The following PDZD11 variants were observed in gnomAD, a reference collection of about 807,000 sequenced individuals.
PDZD11 encodes the protein PDZ domain-containing protein 11.
A neutral mutation model predicts 13.7 loss-of-function variants in PDZD11; 2 were observed. The ratio of observed to expected loss-of-function variants is 0.15; its 90% CI spans 0.06 to 0.46. The LOEUF is 0.46. PDZD11 is among the 20% of genes least tolerant of loss of function. PDZD11 has a pLI of 0.98. For synonymous variants in PDZD11, 32 were observed against 37.5 expected, an observed-to-expected ratio of 0.85 and a Z score of 0.54; for missense variants, 44 against 111.7, an observed-to-expected ratio of 0.39 and a Z score of 2.73.
chrX:70,287,725 T>C lies in PDZD11; in HGVS notation c.327+7A>G. ...TTGCAGCACCACAGCCCAAGTACTG[T>C]GCTCACCTTGCTGTGCTCAATATCT... On this transcript the variant is annotated splice_region_variant and intron_variant, in intron 5 of 6. Coordinates refer to ENST00000239666, the MANE Select transcript of PDZD11 (RefSeq NM_016484.5). The C allele has an allele frequency of 3.4e-6, 4 of 1,189,300 alleles. No homozygotes were observed. Among genetic ancestry groups the C allele is most frequent in the Non-Finnish European group, 4.6e-6 (4 of 875,136 alleles).
At chrX:70,288,062 C>T in intron 4 of PDZD11, 55 bp downstream of exon 4, 1 of 1,007,071 alleles carries the variant, frequency 9.9e-7, no homozygotes, top group Non-Finnish European at 1.4e-6. Flanking sequence ...GTTCTGCAAT[C>T]TGTTAATTTA....
In PDZD11 at chrX:70,287,728, T is replaced by C. The variant is rs1458740889; in HGVS notation, c.327+4A>G. ...CAGCACCACAGCCCAAGTACTGTGC[T>C]CACCTTGCTGTGCTCAATATCTTGG... is the stretch of plus-strand genomic sequence containing the variant. On this transcript the variant is annotated splice_donor_region_variant and intron_variant, in intron 5 of 6. Coordinates refer to ENST00000239666, the MANE Select transcript of PDZD11 (RefSeq NM_016484.5). 1.6e-5 allele frequency: 19 copies of C among 1,193,880 alleles called. 1 individual carries two copies. The South Asian group carries it at 2.7e-4, about 17-fold the overall frequency.
At chrX:70,287,182 C>T (rs2085723575) in intron 6 of PDZD11, 66 bp from the exon 7 acceptor site, 1 of 1,143,993 alleles carries the variant, frequency 8.7e-7, no homozygotes, top group Non-Finnish European at 1.2e-6. Flanking sequence ...TCCTGATTCC[C>T]TATCCCCAAC....
chrX:70,289,288 A>G lies in PDZD11; in HGVS notation c.54T>C (p.Tyr18=), dbSNP rs1277294463. 8.3e-7 allele frequency: 1 copy of G among 1,210,409 alleles called. No individual in the cohort carries two copies. The highest frequency in any genetic ancestry group is 1.8e-5 in the South Asian group (1 of 56,477). The change falls in exon 2 of 7, where the codon TAT becomes TAC. Residue 18 remains tyrosine (Y), a synonymous_variant. Transcript: ENST00000239666. ...GAGGAATCCATGCTGGAGGATTCTCATAGGCAGGCAAGAAAACCACCGGGT... is the reference window on the plus strand; with the variant it reads ...GAGGAATCCATGCTGGAGGATTCTCGTAGGCAGGCAAGAAAACCACCGGGT... ...DDYPVVFLPA[Y]ENPPAWIPPH...
chrX:70,288,012 A>G, intron 4 of PDZD11, 105 bp downstream of exon 4: 4 of 778,612 alleles, frequency 5.1e-6, no homozygotes, highest in Non-Finnish European at 5.8e-6. Context: ...TACCCCTTCT[A>G]TGAATCCAGA....
Position 70,287,014 on chromosome X carries a change from T to G in PDZD11, c.*68A>C, listed in dbSNP as rs1164835197. Reference sequence around the variant, plus strand: ...TCCAGGGAGGGGCTGAAAACAGAAGTGGCTCCCCTGAAGTCTAGTTAGCAT... The same window carrying G: ...TCCAGGGAGGGGCTGAAAACAGAAGGGGCTCCCCTGAAGTCTAGTTAGCAT... On this transcript the variant is annotated 3_prime_UTR_variant, in exon 7 of 7. Coordinates refer to ENST00000239666, the MANE Select transcript of PDZD11 (RefSeq NM_016484.5). 3 of 1,000,403 alleles carry G rather than the reference T, an allele frequency of 3.0e-6. No homozygotes were observed. The highest frequency in any genetic ancestry group is 4.1e-6 in the Non-Finnish European group (3 of 723,582). The allele number at this position is 1,000,403 out of a possible 1,213,427, so 82.4% of individuals were successfully genotyped here.
In PDZD11 at chrX:70,287,602, G is replaced by A; in HGVS notation, c.327+130C>T. On this transcript the variant is annotated intron_variant, in intron 5 of 6. Transcript: ENST00000239666. ...CCCGCCTCAGCCTCCTAAGTAGCTG[G>A]GATTACAGGCGTGTACCACAGTGCC... 4 of 538,844 alleles carry A rather than the reference G, an allele frequency of 7.4e-6. No homozygotes were observed. In the South Asian group the frequency reaches 8.8e-5, roughly 12 times the overall value. The allele number at this position is 538,844 out of a possible 1,213,427, so 44.4% of individuals were successfully genotyped here.
chrX:70,289,397 G>A, intron 1 of PDZD11, 43 bp from the exon 2 acceptor site: 5 of 1,179,705 alleles, frequency 4.2e-6, no homozygotes, highest in Non-Finnish European at 2.3e-6. Context: ...GTTCAAAAGG[G>A]AGAGCAGCCC....
At chrX:70,289,216 GA>G (rs777950732) in intron 2 of PDZD11, 38 bp downstream of exon 2, 8 of 1,119,132 alleles carry the variant, frequency 7.1e-6, no homozygotes, top group Non-Finnish European at 9.7e-6. Context: ...TGCCCACGGG[GA>G]AAAAAATCTC....
rs1210311274 is a variant in PDZD11, at chrX:70,286,637, AG to A, written c.*444del. 2 of 122,928 alleles carry A rather than the reference AG, an allele frequency of 1.6e-5. No homozygotes were observed. Among genetic ancestry groups the A allele is most frequent in the Admixed American group, 8.6e-5 (1 of 11,636 alleles). The allele number at this position is 122,928 out of a possible 1,213,427, so 10.1% of individuals were successfully genotyped here. ...TTTACTTTTTGGGAGAGAGGCTAGGAGGAGGAAGGGGTGAAAACAGCGTCTC... is the reference window on the plus strand; with the variant it reads ...TTTACTTTTTGGGAGAGAGGCTAGGAGAGGAAGGGGTGAAAACAGCGTCTC... On this transcript the variant is annotated 3_prime_UTR_variant, in exon 7 of 7. Transcript: ENST00000239666.
At chrX:70,289,508 A>G in intron 1 of PDZD11, 154 bp from the exon 2 acceptor site, 1 of 936,144 alleles carries the variant, frequency 1.1e-6, no homozygotes, top group South Asian at 2.6e-5. Flanking sequence ...GGAAGACAGA[A>G]GAAAACTCTT....
chrX:70,288,595 A>C, intron 2 of PDZD11, 82 bp from the exon 3 acceptor site: 1 of 743,913 alleles, frequency 1.3e-6, no homozygotes, highest in Non-Finnish European at 2.1e-6. Flanking sequence ...AATTACCCTG[A>C]AGTCAGGAAA....
In PDZD11 at chrX:70,289,206, T is replaced by A. The variant is rs777082281; in HGVS notation, c.87+49A>T. On this transcript the variant is annotated intron_variant, in intron 2 of 6. Coordinates refer to ENST00000239666, the MANE Select transcript of PDZD11 (RefSeq NM_016484.5). ...ATCCTACCTTTCATGCATCATCTCA[T>A]GCCCACGGGGAAAAAAATCTCCTAC... is the stretch of plus-strand genomic sequence containing the variant. The A allele has an allele frequency of 8.6e-6, 9 of 1,050,655 alleles. No individual in the cohort carries two copies. The Admixed American group carries it at 2.2e-4, about 26-fold the overall frequency. The allele number at this position is 1,050,655 out of a possible 1,213,427, so 86.6% of individuals were successfully genotyped here. A position where few individuals can be genotyped will look rare whatever the true frequency, so the allele number is the denominator to read the frequency against.
At chrX:70,287,671 G>T in intron 5 of PDZD11, 61 bp downstream of exon 5, 1 of 874,932 alleles carries the variant, frequency 1.1e-6, no homozygotes, top group Non-Finnish European at 1.7e-6. Context: ...GGCTACTCCT[G>T]TCCAATCTGT....
In PDZD11 at chrX:70,287,067, G is replaced by T; in HGVS notation, c.*15C>A. ...CATGACAGAGTCCACATGAAGGGCTGTGGGCTGCAACTTTCTAGTGCACAG... is the reference window on the plus strand; with the variant it reads ...CATGACAGAGTCCACATGAAGGGCTTTGGGCTGCAACTTTCTAGTGCACAG... On this transcript the variant is annotated 3_prime_UTR_variant, in exon 7 of 7. Transcript: ENST00000239666. 1 of 1,191,408 alleles carries T rather than the reference G, an allele frequency of 8.4e-7. No homozygotes were observed. Among genetic ancestry groups the T allele is most frequent in the Non-Finnish European group, 1.1e-6 (1 of 882,681 alleles).
chrX:70,289,833 A>C (rs2085747892), intron 1 of PDZD11, 27 bp downstream of exon 1: 1 of 121,951 alleles, frequency 8.2e-6, no homozygotes, highest in Non-Finnish European at 1.7e-5. Flanking sequence ...CCGCACTCTC[A>C]GCCGCATAAA....
intron 1 of PDZD11, 24 bp from the exon 2 acceptor site, chrX:70,289,378 C>T (rs1438672726): frequency 1.7e-6 from 2 of 1,191,312 alleles, no homozygotes; most frequent in Non-Finnish European, 1.1e-6. Context: ...TCAGAACAGA[C>T]AAAAAGTGGT....
intron 2 of PDZD11, 140 bp from the exon 3 acceptor site, chrX:70,288,653 A>G: frequency 2.1e-6 from 1 of 471,337 alleles, no homozygotes. Flanking sequence ...ACACAGACTA[A>G]ATGAGTAGAT....
intron 1 of PDZD11, 22 bp from the exon 2 acceptor site, chrX:70,289,376 G>T: frequency 8.4e-7 from 1 of 1,193,437 alleles, no homozygotes; most frequent in East Asian, 3.0e-5. Flanking sequence ...AATCAGAACA[G>T]ACAAAAAGTG....
Sources: gnomAD v4.1 joint callset for allele counts on GRCh38, gnomAD v4.1.1 for gene constraint, MANE v1.5 for transcripts, NCBI Gene and HGNC (gene_info 2026-07-23, HGNC 2026-07-21) for gene names.